SORCS2: variants seen among roughly 807,000 people sequenced by gnomAD.
SORCS2 encodes sortilin related VPS10 domain containing receptor 2.
In SORCS2, 100 loss-of-function variants were observed where a neutral mutation model predicts 141.6. That is an observed-to-expected ratio of 0.71 (90% CI 0.60 to 0.83). SORCS2 has a LOEUF of 0.83. Ranked by LOEUF, SORCS2 falls within the 40% of genes least tolerant of loss-of-function variation. The pLI is 0.00. For missense variants in SORCS2, 1,646 were observed against 1,560.2 expected (o/e 1.05, Z -0.93); for synonymous variants, 789 against 676.9 (o/e 1.17, Z -2.57).
chr4:7,205,825 G>A (rs370622424), intron 1 of SORCS2, among the ~76,000 whole-genome samples: 17 of 152,268 alleles, frequency 1.1e-4, no homozygotes, highest in East Asian at 5.8e-4. Flanking sequence ...GGTGGATCAC[G>A]TGAGGTCAGG....
In SORCS2 at chr4:7,390,463, C is replaced by T. The variant is rs557288730; in HGVS notation, c.481-5825C>T. Among the ~76,000 whole-genome samples the T allele has an allele frequency of 5.3e-5, 8 of 152,324 alleles. No individual in the cohort carries two copies. The South Asian group carries it at 1.7e-3, about 32-fold the overall frequency. ...ATGCCGAGTGCTCCTGAAGAGCAAA[C>T]CTGGTAAAGACGAAGCTTGGGGGAA... On this transcript the variant is annotated intron_variant, in intron 1 of 26. Coordinates refer to ENST00000507866, the MANE Select transcript of SORCS2 (RefSeq NM_020777.3).
intron 1 of SORCS2, among the ~76,000 whole-genome samples, chr4:7,360,336 G>A (rs1472830066): frequency 6.6e-6 from 1 of 152,052 alleles, no homozygotes; most frequent in Non-Finnish European, 1.5e-5. Flanking sequence ...ACGGTGGCAG[G>A]GAAGGGGTCC....
intron 1 of SORCS2, among the ~76,000 whole-genome samples, chr4:7,298,477 T>C (rs549790301): frequency 6.6e-6 from 1 of 152,152 alleles, no homozygotes; most frequent in Non-Finnish European, 1.5e-5. Context: ...TGGCCTCTGA[T>C]CGGTCAGCGA....
intron 3 of SORCS2, among the ~76,000 whole-genome samples, chr4:7,623,901 G>A (rs1219677261): frequency 6.6e-6 from 1 of 152,130 alleles, no homozygotes; most frequent in African/African-American, 2.4e-5. Flanking sequence ...GAAGAGCAGC[G>A]CGCGTCCCAT....
At chr4:7,420,399 C>T (rs749764218) in intron 2 of SORCS2, among the ~76,000 whole-genome samples, 1 of 152,176 alleles carries the variant, frequency 6.6e-6, no homozygotes, top group Non-Finnish European at 1.5e-5. Flanking sequence ...AAGCACCAAG[C>T]CATATCCTGG....
At chr4:7,657,891 T>A (rs764745151) in intron 5 of SORCS2, among the ~76,000 whole-genome samples, 1 of 150,586 alleles carries the variant, frequency 6.6e-6, no homozygotes, top group Non-Finnish European at 1.5e-5. Context: ...AGTGAATGAG[T>A]GAGTGAGTGA....
At chr4:7,737,687 GAGA>G (rs1712304242) in intron 26 of SORCS2, among the ~76,000 whole-genome samples, 2 of 152,206 alleles carry the variant, frequency 1.3e-5, no homozygotes, top group Admixed American at 6.5e-5. Context: ...GCCCAGCAAG[GAGA>G]AGATCAGTCA....
At chr4:7,725,408 C>T (rs1201445860) in intron 20 of SORCS2, 121 bp downstream of exon 20, 3 of 1,362,400 alleles carry the variant, frequency 2.2e-6, no homozygotes, top group Non-Finnish European at 2.9e-6. Context: ...GCACTCCTCA[C>T]CCTTGGGCCC....
chr4:7,523,595 C>G (rs2109514135), intron 2 of SORCS2, among the ~76,000 whole-genome samples: 1 of 152,140 alleles, frequency 6.6e-6, no homozygotes, highest in Admixed American at 6.5e-5. Flanking sequence ...GTGGCAGCAC[C>G]CCTTCCCTCC....
At chr4:7,283,118 G>A (rs1015972900) in intron 1 of SORCS2, among the ~76,000 whole-genome samples, 2 of 152,246 alleles carry the variant, frequency 1.3e-5, no homozygotes, top group African/African-American at 4.8e-5. Flanking sequence ...AAACATCTGT[G>A]GAGTATCCAC....
At chr4:7,379,455 G>A (rs1442032549) in intron 1 of SORCS2, among the ~76,000 whole-genome samples, 3 of 152,222 alleles carry the variant, frequency 2.0e-5, no homozygotes, top group Non-Finnish European at 2.9e-5. Context: ...GCGCCCCATC[G>A]TGTGAGTTGT....
intron 8 of SORCS2, among the ~76,000 whole-genome samples, chr4:7,675,104 AT>A (rs777908706): frequency 6.6e-6 from 1 of 152,186 alleles, no homozygotes; most frequent in Non-Finnish European, 1.5e-5. Context: ...CCCACATAGC[AT>A]TTGTTGCTGG....
intron 2 of SORCS2, among the ~76,000 whole-genome samples, chr4:7,427,941 C>T (rs80035711): frequency 0.16 from 23,692 of 152,014 alleles, 2,009 homozygotes; most frequent in African/African-American, 0.21. Flanking sequence ...TATCACCACC[C>T]CTGAGGGCGG....
intron 1 of SORCS2, among the ~76,000 whole-genome samples, chr4:7,301,119 T>G (rs948167563): frequency 6.6e-6 from 1 of 152,150 alleles, no homozygotes; most frequent in Non-Finnish European, 1.5e-5. Flanking sequence ...ACTGTGTCCT[T>G]CTGTCCCTGC....
At chr4:7,424,538 T>C (rs1285707675) in intron 2 of SORCS2, among the ~76,000 whole-genome samples, 5 of 152,128 alleles carry the variant, frequency 3.3e-5, no homozygotes, top group Non-Finnish European at 7.4e-5. Context: ...TCTAGAGGCT[T>C]TCCCAAGTCA....
intron 1 of SORCS2, among the ~76,000 whole-genome samples, chr4:7,376,507 G>A (rs1489744233): frequency 6.6e-6 from 1 of 152,198 alleles, no homozygotes; most frequent in African/African-American, 2.4e-5. Context: ...AACCCAGGAG[G>A]TGGAGGTTGC....
At position 7,294,717 on chromosome 4, in the gene SORCS2, C is replaced by T. The variant is rs146801615; in HGVS notation, c.481-101571C>T. ...CATCCTCTCCCTCCCCTCCTCCTCT[C>T]CCTCCTCCTCCTCCTCCCCCTCATC... On this transcript the variant is annotated intron_variant, in intron 1 of 26. Transcript: ENST00000507866. Among the ~76,000 whole-genome samples the T allele has an allele frequency of 8.7e-3, 795 of 91,414 alleles. 40 individuals are homozygous for T. Among genetic ancestry groups the T allele is most frequent in the African/African-American group, 0.035 (719 of 20,770 alleles). The allele number at this position is 91,414 out of a possible 152,430, so 60.0% of individuals were successfully genotyped here.
At chr4:7,335,675 G>A (rs964774427) in intron 1 of SORCS2, among the ~76,000 whole-genome samples, 1 of 152,250 alleles carries the variant, frequency 6.6e-6, no homozygotes, top group Non-Finnish European at 1.5e-5. Context: ...CAGGCTTTCT[G>A]AGCTCACCCA....
intron 1 of SORCS2, among the ~76,000 whole-genome samples, chr4:7,356,348 T>C (rs1013071484): frequency 3.9e-5 from 6 of 152,300 alleles, no homozygotes; most frequent in African/African-American, 1.2e-4. Flanking sequence ...AACAGACATA[T>C]GTTTGGGGGC....
Sources: allele counts gnomAD v4.1 joint callset (sites outside exome capture counted in the v4.1 genomes callset), GRCh38; gene constraint gnomAD v4.1.1; transcripts MANE v1.5; gene names NCBI Gene and HGNC (gene_info 2026-07-23, HGNC 2026-07-21).